The following ENTPD1 variants were observed in gnomAD, a reference collection of about 807,000 sequenced individuals.
ENTPD1 encodes the protein ectonucleoside triphosphate diphosphohydrolase 1.
In ENTPD1, 33 loss-of-function variants were observed where a neutral mutation model predicts 57.0. That is an observed-to-expected ratio of 0.58 (90% confidence interval 0.44 to 0.77). The LOEUF is 0.77. ENTPD1 is among the 30% of genes least tolerant of loss of function. ENTPD1 has a pLI of 0.00. For missense variants in ENTPD1, 501 were observed against 603.4 expected (o/e 0.83, Z 1.78); for synonymous variants, 202 against 218.8 (o/e 0.92, Z 0.68).
At chr10:95,769,839 G>C (rs2098107960) in intron 1 of ENTPD1, among the ~76,000 whole-genome samples, 1 of 152,178 alleles carries the variant, frequency 6.6e-6, no homozygotes, top group Non-Finnish European at 1.5e-5. Flanking sequence ...CAAGAGAGGA[G>C]GAAACTTGAC....
At chr10:95,838,140 C>T (rs1039150539) in intron 2 of ENTPD1, among the ~76,000 whole-genome samples, 3 of 152,174 alleles carry the variant, frequency 2.0e-5, no homozygotes, top group African/African-American at 7.2e-5. Context: ...TATGTTTCTT[C>T]TCTAAGGAAG....
chr10:95,808,797 A>G (rs904541188), intron 1 of ENTPD1, among the ~76,000 whole-genome samples: 8 of 151,804 alleles, frequency 5.3e-5, no homozygotes, highest in Non-Finnish European at 1.0e-4. Context: ...GTAATAGGAC[A>G]ATAGTGGAGA....
intron 1 of ENTPD1, among the ~76,000 whole-genome samples, chr10:95,721,290 A>G (rs895541500): frequency 3.9e-5 from 6 of 152,164 alleles, no homozygotes; most frequent in African/African-American, 1.4e-4. Context: ...ACCAATCTCC[A>G]TGTTCTGATT....
At chr10:95,852,895 G>A (rs936376928) in intron 7 of ENTPD1, among the ~76,000 whole-genome samples, 1 of 152,144 alleles carries the variant, frequency 6.6e-6, no homozygotes, top group African/African-American at 2.4e-5. Context: ...TTTGGCTTAG[G>A]ATTGACTTGG....
chr10:95,876,474 T>C lies in ENTPD1; in HGVS notation c.*10091T>C. 1 of 1,231,414 alleles carries C rather than the reference T, an allele frequency of 8.1e-7. No individual in the cohort carries two copies. The highest frequency in any genetic ancestry group is 3.2e-5 in the East Asian group (1 of 31,642). 76.3% of individuals were successfully genotyped at this position (1,231,414 alleles called of 1,614,324 possible). A position where few individuals can be genotyped will look rare whatever the true frequency, so the allele number is the denominator to read the frequency against. On this transcript the variant is annotated 3_prime_UTR_variant, in exon 10 of 10. Coordinates refer to ENST00000371205, the MANE Select transcript of ENTPD1 (RefSeq NM_001776.6). ...AATTGTAATCAATAGCTTAAAAATA[T>C]GTCTCTCTGTCCTATTCTGTATCTG...
In ENTPD1 at chr10:95,870,293, A is replaced by AT. The variant is rs970273683; in HGVS notation, c.*3920dup. 2,398 of 909,070 alleles carry AT rather than the reference A, an allele frequency of 2.6e-3. No homozygotes were observed. Among genetic ancestry groups the AT allele is most frequent in the Non-Finnish European group, 3.0e-3 (2,267 of 761,412 alleles). The allele number at this position is 909,070 out of a possible 1,614,324, so 56.3% of individuals were successfully genotyped here. A position where few individuals can be genotyped will look rare whatever the true frequency, so the allele number is the denominator to read the frequency against. On this transcript the variant is annotated 3_prime_UTR_variant, in exon 10 of 10. Transcript: ENST00000371205. ...AAATTTGAATATTAAAATAAAGATG[A>AT]TTTTTTTTTTGGAGCTAGTCTTGCT...
chr10:95,847,290 A>T, intron 6 of ENTPD1, 156 bp from the exon 7 acceptor site: 1 of 823,992 alleles, frequency 1.2e-6, no homozygotes, highest in African/African-American at 1.7e-5. Context: ...CATTTTTCAT[A>T]TTTATTCCTA....
chr10:95,866,815 T>C lies in ENTPD1; in HGVS notation c.*432T>C. 1 of 1,048,050 alleles carries C rather than the reference T, an allele frequency of 9.5e-7. No individual in the cohort carries two copies. The highest frequency in any genetic ancestry group is 1.2e-6 in the Non-Finnish European group (1 of 867,308). The allele number at this position is 1,048,050 out of a possible 1,614,324, so 64.9% of individuals were successfully genotyped here. A position where few individuals can be genotyped will look rare whatever the true frequency, so the allele number is the denominator to read the frequency against. On this transcript the variant is annotated 3_prime_UTR_variant, in exon 10 of 10. Coordinates refer to ENST00000371205, the MANE Select transcript of ENTPD1 (RefSeq NM_001776.6). ...TTAAGAACCCCTTTCTCTCTCCTGTTTGCCATCCATTAAGAAAGCCATATG... is the reference window on the plus strand; with the variant it reads ...TTAAGAACCCCTTTCTCTCTCCTGTCTGCCATCCATTAAGAAAGCCATATG...
At chr10:95,728,700 C>T (rs975521253) in intron 1 of ENTPD1, among the ~76,000 whole-genome samples, 3 of 152,156 alleles carry the variant, frequency 2.0e-5, no homozygotes, top group Non-Finnish European at 2.9e-5. Context: ...AGATGATGTT[C>T]GTCACACAGT....
intron 1 of ENTPD1, among the ~76,000 whole-genome samples, chr10:95,744,900 C>T (rs897372183): frequency 2.0e-5 from 3 of 152,036 alleles, no homozygotes; most frequent in African/African-American, 7.2e-5. Flanking sequence ...ATCCCCTCTG[C>T]TTTACTTATT....
intron 8 of ENTPD1, among the ~76,000 whole-genome samples, chr10:95,863,269 G>A (rs1296917060): frequency 1.1e-4 from 17 of 152,188 alleles, no homozygotes; most frequent in Non-Finnish European, 5.9e-5. Flanking sequence ...CAAGGGATAG[G>A]CCAGCCTTCA....
upstream of ENTPD1, chr10:95,754,971 C>T (rs193006238): frequency 5.1e-4 from 78 of 152,282 alleles, no homozygotes; most frequent in Middle Eastern, 3.4e-3. Context: ...AACAGTCCTT[C>T]GGGCTCACAA....
At chr10:95,823,156 T>C in intron 1 of ENTPD1, 81 bp from the exon 2 acceptor site, 1 of 1,580,070 alleles carries the variant, frequency 6.3e-7, no homozygotes, top group Admixed American at 1.7e-5. Flanking sequence ...AGGTAGCCAT[T>C]ACAAGACCAG....
intron 1 of ENTPD1, among the ~76,000 whole-genome samples, chr10:95,810,027 C>T (rs1029132886): frequency 1.8e-5 from 2 of 112,626 alleles, no homozygotes; most frequent in African/African-American, 3.5e-5. Context: ...CAGACAGGGT[C>T]GCAGTCGGGC....
chr10:95,729,580 A>G (rs926591548), intron 1 of ENTPD1, among the ~76,000 whole-genome samples: 1 of 152,228 alleles, frequency 6.6e-6, no homozygotes, highest in African/African-American at 2.4e-5. Context: ...TCCTTCCCAG[A>G]AAAATTTCCT....
intron 1 of ENTPD1, among the ~76,000 whole-genome samples, chr10:95,820,643 A>C (rs2098346795): frequency 6.6e-6 from 1 of 152,108 alleles, no homozygotes; most frequent in South Asian, 2.1e-4. Context: ...TCTCGGCTCA[A>C]ATGTCATCTT....
intron 1 of ENTPD1, among the ~76,000 whole-genome samples, chr10:95,723,731 A>G (rs116348105): frequency 0.014 from 2,202 of 152,212 alleles, 63 homozygotes; most frequent in African/African-American, 0.05. Flanking sequence ...CATGATCTGA[A>G]CCAGCTAATG....
intron 7 of ENTPD1, among the ~76,000 whole-genome samples, chr10:95,853,374 C>T (rs1337387200): frequency 1.3e-5 from 2 of 152,204 alleles, no homozygotes; most frequent in Non-Finnish European, 2.9e-5. Flanking sequence ...ATGTCATCTG[C>T]AAACAGGGAC....
chr10:95,798,445 A>C (rs1259829646), intron 1 of ENTPD1, among the ~76,000 whole-genome samples: 1 of 152,180 alleles, frequency 6.6e-6, no homozygotes, highest in Non-Finnish European at 1.5e-5. Flanking sequence ...GAAGTGGAAT[A>C]AACACTATAA....
Sources: gnomAD v4.1 joint callset for allele counts (sites outside exome capture counted in the v4.1 genomes callset) on GRCh38, gnomAD v4.1.1 for gene constraint, MANE v1.5 for transcripts, NCBI Gene and HGNC (gene_info 2026-07-23, HGNC 2026-07-21) for gene names.